Variants in NPTXR observed in about 807,000 individuals in gnomAD.
The protein encoded by NPTXR is neuronal pentraxin receptor.
Under a neutral mutation model 32.2 loss-of-function variants are expected in NPTXR, and 12 were observed. The ratio of observed to expected loss-of-function variants is 0.37; its 90% CI spans 0.24 to 0.60. The LOEUF (loss-of-function observed/expected upper bound fraction) is 0.60. NPTXR is among the 20% of genes least tolerant of loss of function. NPTXR has a pLI of 0.66. For missense variants in NPTXR, 612 were observed against 682.9 expected, an observed-to-expected ratio of 0.90 and a Z score of 1.16; for synonymous variants, 323 against 315.8, an observed-to-expected ratio of 1.02 and a Z score of -0.24.
At position 38,834,920 on chromosome 22, in the gene NPTXR, G is replaced by A. The variant is rs971053244; in HGVS notation, c.625-6408C>T. ...CTATTATTCTTTGCTGTTATTGAGA[G>A]GCAGGAGAGCATAATGTGTCATGGT... is the stretch of plus-strand genomic sequence containing the variant. On this transcript the variant is annotated intron_variant, in intron 1 of 4. Coordinates refer to ENST00000333039, the MANE Select transcript of NPTXR (RefSeq NM_014293.4). This position sits in a 1 kb window ranked among gnomAD's most constrained non-coding sequence, Gnocchi z 4.4. Among the ~76,000 whole-genome samples, 3 of 152,228 alleles carry A rather than the reference G, an allele frequency of 2.0e-5. No homozygotes were observed. Among genetic ancestry groups the A allele is most frequent in the East Asian group, 3.8e-4 (2 of 5,200 alleles).
chr22:38,842,941 A>G (rs2093133658), intron 1 of NPTXR, among the ~76,000 whole-genome samples: 1 of 152,200 alleles, frequency 6.6e-6, no homozygotes, highest in South Asian at 2.1e-4. Flanking sequence ...TTTCCACTAC[A>G]AGTGGACACT....
At chr22:38,837,483 G>A (rs1021335887) in intron 1 of NPTXR, among the ~76,000 whole-genome samples, 2 of 152,238 alleles carry the variant, frequency 1.3e-5, no homozygotes, top group Non-Finnish European at 2.9e-5. Flanking sequence ...CAAAGTCAGA[G>A]AAAAACAAAG....
intron 1 of NPTXR, among the ~76,000 whole-genome samples, chr22:38,835,788 G>A (rs2093123025): frequency 1.3e-5 from 2 of 152,140 alleles, no homozygotes; most frequent in Non-Finnish European, 2.9e-5. Flanking sequence ...AGGTCCCTCA[G>A]CCTCTCTGAG....
At chr22:38,825,824 T>A (rs1351316308) in intron 3 of NPTXR, among the ~76,000 whole-genome samples, 1 of 144,784 alleles carries the variant, frequency 6.9e-6, no homozygotes, top group African/African-American at 2.6e-5. Context: ...TCTGTGCACC[T>A]CCCTTCTCTC....
intron 1 of NPTXR, among the ~76,000 whole-genome samples, chr22:38,828,717 G>A (rs1393228453): frequency 2.6e-5 from 4 of 152,240 alleles, no homozygotes; most frequent in Non-Finnish European, 4.4e-5. Flanking sequence ...GGCACATGAC[G>A]GCGAGCAGCA....
At chr22:38,842,520 C>T (rs1180780128) in intron 1 of NPTXR, among the ~76,000 whole-genome samples, 2 of 152,196 alleles carry the variant, frequency 1.3e-5, no homozygotes, top group African/African-American at 2.4e-5. Flanking sequence ...TGTGTCTGAC[C>T]CCAAGCCTGA....
intron 3 of NPTXR, among the ~76,000 whole-genome samples, chr22:38,823,961 T>A (rs1281344573): frequency 2.0e-5 from 3 of 151,944 alleles, no homozygotes; most frequent in African/African-American, 7.3e-5. Context: ...GGCTTCCTCA[T>A]CTGGTAAGTT....
chr22:38,838,888 C>T (rs1268250469), intron 1 of NPTXR, among the ~76,000 whole-genome samples: 1 of 152,092 alleles, frequency 6.6e-6, no homozygotes, highest in Non-Finnish European at 1.5e-5. Context: ...GCTCACCTGT[C>T]TTTTCCATGC....
At chr22:38,838,743 G>A (rs1274475054) in intron 1 of NPTXR, among the ~76,000 whole-genome samples, 1 of 151,986 alleles carries the variant, frequency 6.6e-6, no homozygotes, top group Non-Finnish European at 1.5e-5. Flanking sequence ...CACCATGCCT[G>A]GCTAATTTTT....
intron 1 of NPTXR, among the ~76,000 whole-genome samples, chr22:38,832,198 CGT>C (rs932738850): frequency 1.4e-4 from 22 of 152,216 alleles, no homozygotes; most frequent in African/African-American, 5.1e-4. Context: ...CTCGCCGGAT[CGT>C]GTGTGAGTCC....
intron 1 of NPTXR, among the ~76,000 whole-genome samples, chr22:38,831,617 C>T (rs912113307): frequency 1.3e-5 from 2 of 152,108 alleles, no homozygotes; most frequent in African/African-American, 2.4e-5. Context: ...CCACTGCATT[C>T]GAGATGGCTG....
Position 38,822,654 on chromosome 22 carries a change from T to G in NPTXR, c.1458A>C (p.Ala486=), listed in dbSNP as rs1424945650. ...TGCAGACATCGAAGGCAGCCTTTGT[T>G]GCACCCCCAAAGGCCTCCACCAACT... The change falls in exon 5 of 5, where the codon GCA becomes GCC. Residue 486 remains alanine, a synonymous_variant. Coordinates refer to ENST00000333039, the MANE Select transcript of NPTXR (RefSeq NM_014293.4). 1 of 1,613,974 alleles carries G rather than the reference T, an allele frequency of 6.2e-7. No individual in the cohort carries two copies. The highest frequency in any genetic ancestry group is 8.5e-7 in the Non-Finnish European group (1 of 1,179,966).
rs2093107372 is a variant in NPTXR at position 38,826,638 on chromosome 22, G to A, written c.960C>T (p.Thr320=). Residue 320 remains threonine, a synonymous_variant, in exon 3 of 5, where the codon ACC becomes ACT. Coordinates refer to ENST00000333039, the MANE Select transcript of NPTXR (RefSeq NM_014293.4). ...ACCTGGACCGCAGCCACATGCAGGC[G>A]GTGAATGCGTAGAGCTCGGGCAGAG... 3.7e-6 allele frequency: 6 copies of A among 1,614,286 alleles called. No individual in the cohort carries two copies. The highest frequency in any genetic ancestry group is 3.3e-5 in the South Asian group (3 of 91,092).
At chr22:38,840,404 G>A (rs549369197) in intron 1 of NPTXR, among the ~76,000 whole-genome samples, 2 of 152,242 alleles carry the variant, frequency 1.3e-5, no homozygotes, top group Admixed American at 6.5e-5. Flanking sequence ...GGAGCAGGCC[G>A]AGGAGTTAGG....
At chr22:38,829,158 G>A (rs1381022159) in intron 1 of NPTXR, among the ~76,000 whole-genome samples, 1 of 152,210 alleles carries the variant, frequency 6.6e-6, no homozygotes, top group Admixed American at 6.5e-5. Context: ...CTCTGAACTT[G>A]TTTACTCAAA....
At chr22:38,824,056 C>T (rs2093102475) in intron 3 of NPTXR, among the ~76,000 whole-genome samples, 2 of 151,990 alleles carry the variant, frequency 1.3e-5, no homozygotes. Flanking sequence ...CAGCTCACCA[C>T]AGCCTCCATC....
chr22:38,829,911 G>C (rs1348551120), intron 1 of NPTXR, among the ~76,000 whole-genome samples: 1 of 152,210 alleles, frequency 6.6e-6, no homozygotes, highest in Non-Finnish European at 1.5e-5. Context: ...CCCAGCCAAT[G>C]GCCTTGTCAG....
intron 1 of NPTXR, among the ~76,000 whole-genome samples, chr22:38,832,936 C>T (rs1280091271): frequency 6.6e-6 from 1 of 152,202 alleles, no homozygotes; most frequent in African/African-American, 2.4e-5. Flanking sequence ...CAAAGGGAGA[C>T]TGATAGGAGG....
chr22:38,838,017 G>A (rs989060304), intron 1 of NPTXR, among the ~76,000 whole-genome samples: 1 of 151,948 alleles, frequency 6.6e-6, no homozygotes, highest in African/African-American at 2.4e-5. Context: ...CACCATACTT[G>A]GCTAATTTTT....
Sources: gnomAD v4.1 joint callset for allele counts (sites outside exome capture counted in the v4.1 genomes callset) on GRCh38, gnomAD v4.1.1 for gene constraint, Gnocchi (gnomAD v3.1) non-coding constraint, MANE v1.5 for transcripts, NCBI Gene and HGNC (gene_info 2026-07-23, HGNC 2026-07-21) for gene names.